The following BCAR3 variants were observed in gnomAD, a reference collection of about 807,000 sequenced individuals.
The protein encoded by BCAR3 is breast cancer anti-estrogen resistance protein 3.
BCAR3 carries 37 observed loss-of-function variants against 80.1 expected under a neutral mutation model. The observed-to-expected ratio is 0.46, with a 90% confidence interval of 0.36 to 0.61. The LOEUF (loss-of-function observed/expected upper bound fraction) is 0.61. Ranked by LOEUF, BCAR3 falls within the 20% of genes least tolerant of loss-of-function variation. The pLI is 0.00. For missense variants in BCAR3, 978 were observed against 1,068.2 expected, an observed-to-expected ratio of 0.92 and a Z score of 1.18; for synonymous variants, 389 against 418.9, an observed-to-expected ratio of 0.93 and a Z score of 0.87.
intron 2 of BCAR3, among the ~76,000 whole-genome samples, chr1:93,652,688 C>A (rs572511321): frequency 2.6e-5 from 4 of 152,184 alleles, no homozygotes; most frequent in Admixed American, 2.6e-4. Context: ...AGTCCTCACC[C>A]TGTGATTCCA....
chr1:93,663,729 A>G (rs537854379), intron 2 of BCAR3, among the ~76,000 whole-genome samples: 1 of 152,320 alleles, frequency 6.6e-6, no homozygotes, highest in East Asian at 1.9e-4. Flanking sequence ...CTGGCACACC[A>G]AAGTTCAACA....
chr1:93,743,818 G>C (rs1651262318), intron 2 of BCAR3, among the ~76,000 whole-genome samples: 1 of 152,146 alleles, frequency 6.6e-6, no homozygotes, highest in Admixed American at 6.6e-5. Flanking sequence ...ATCATAGATT[G>C]GTCTGTGTGC....
intron 2 of BCAR3, among the ~76,000 whole-genome samples, chr1:93,768,547 C>T (rs569365589): frequency 9.9e-5 from 15 of 152,246 alleles, no homozygotes; most frequent in Non-Finnish European, 1.8e-4. Flanking sequence ...TGTGCTGAAT[C>T]TTGGTAACTA....
At chr1:93,822,185 TC>T (rs1377084880) in intron 2 of BCAR3, among the ~76,000 whole-genome samples, 8 of 146,362 alleles carry the variant, frequency 5.5e-5, no homozygotes, top group Non-Finnish European at 1.0e-4. Flanking sequence ...GTTTTTTTTT[TC>T]TTTTTTTTTT....
chr1:93,708,862 A>T (rs1649916448), intron 2 of BCAR3, among the ~76,000 whole-genome samples: 1 of 152,084 alleles, frequency 6.6e-6, no homozygotes, highest in Non-Finnish European at 1.5e-5. Context: ...AGGCAGGAGG[A>T]GGTTGGCAGG....
chr1:93,847,077 A>C, exon 1 of BCAR3: 1 of 255,098 alleles, frequency 3.9e-6, no homozygotes, highest in South Asian at 4.0e-5. Context: ...TACGTCTCGC[A>C]GCCCGAGGGG....
chr1:93,728,874 T>C (rs1243966739), intron 2 of BCAR3, among the ~76,000 whole-genome samples: 2 of 152,098 alleles, frequency 1.3e-5, no homozygotes, highest in East Asian at 3.9e-4. Context: ...AGGGTGGTCT[T>C]GGGAAATGCA....
intron 2 of BCAR3, among the ~76,000 whole-genome samples, chr1:93,752,569 A>C (rs936205090): frequency 3.9e-5 from 6 of 152,252 alleles, no homozygotes; most frequent in Non-Finnish European, 5.9e-5. Flanking sequence ...TGCATTCAAA[A>C]TAAGAATGAG....
intron 2 of BCAR3, among the ~76,000 whole-genome samples, chr1:93,759,559 T>C (rs77753109): frequency 6.6e-6 from 1 of 152,110 alleles, no homozygotes; most frequent in Non-Finnish European, 1.5e-5. Context: ...AAGTTTCCTG[T>C]TTTTTCTTCA....
At chr1:93,591,102 T>C (rs1487577523) in intron 4 of BCAR3, among the ~76,000 whole-genome samples, 1 of 146,286 alleles carries the variant, frequency 6.8e-6, no homozygotes, top group Non-Finnish European at 1.5e-5. Flanking sequence ...CAATCAATTT[T>C]AAACTTAAAA....
chr1:93,779,675 T>C (rs1048820970), intron 2 of BCAR3, among the ~76,000 whole-genome samples: 1 of 152,214 alleles, frequency 6.6e-6, no homozygotes, highest in Non-Finnish European at 1.5e-5. Context: ...TTCAGCGCTT[T>C]AAGTAATTGC....
chr1:93,614,060 C>T, intron 3 of BCAR3: 1 of 1,444,872 alleles, frequency 6.9e-7, no homozygotes. Flanking sequence ...AAGTCGGCAG[C>T]CGGGGGAGTG....
rs539767350 is a variant in BCAR3 at position 93,608,022 on chromosome 1, G to A, written c.358-15629C>T. ...TCAATGGCTTCTGAGTCAGAGGCTG[G>A]ATGGATAGTTCCTCAAATCTCATCT... On this transcript the variant is annotated intron_variant, in intron 3 of 11. Coordinates refer to ENST00000260502, the MANE Select transcript of BCAR3 (RefSeq NM_003567.4). 1.2e-3 allele frequency among the ~76,000 whole-genome samples: 186 copies of A among 152,334 alleles called. 1 individual carries two copies. The highest frequency in any genetic ancestry group is 4.3e-3 in the African/African-American group (178 of 41,586).
At chr1:93,565,804 A>C (rs1167633906) in intron 11 of BCAR3, among the ~76,000 whole-genome samples, 1 of 152,250 alleles carries the variant, frequency 6.6e-6, no homozygotes, top group African/African-American at 2.4e-5. Context: ...TCTGGTTCTG[A>C]GGCAGCTCCC....
intron 2 of BCAR3, among the ~76,000 whole-genome samples, chr1:93,805,065 A>T (rs1653612967): frequency 6.6e-6 from 1 of 152,232 alleles, no homozygotes; most frequent in Non-Finnish European, 1.5e-5. Context: ...AGCTACCAGG[A>T]TCTTCATCAT....
At chr1:93,730,512 A>C (rs1557668802) in intron 2 of BCAR3, among the ~76,000 whole-genome samples, 1 of 152,054 alleles carries the variant, frequency 6.6e-6, no homozygotes. Flanking sequence ...TTTTTGAATG[A>C]CTCTGTGATT....
chr1:93,752,113 G>A (rs1340098120), intron 2 of BCAR3, among the ~76,000 whole-genome samples: 1 of 152,232 alleles, frequency 6.6e-6, no homozygotes, highest in African/African-American at 2.4e-5. Context: ...GCTGGCAAGA[G>A]GCCACCCTCT....
At chr1:93,803,448 C>A (rs996499002) in intron 2 of BCAR3, among the ~76,000 whole-genome samples, 2 of 152,138 alleles carry the variant, frequency 1.3e-5, no homozygotes, top group African/African-American at 4.8e-5. Context: ...GGATTTACTA[C>A]TCCTTTTACT....
chr1:93,804,049 G>A (rs946768433), intron 2 of BCAR3, among the ~76,000 whole-genome samples: 3 of 152,200 alleles, frequency 2.0e-5, no homozygotes, highest in African/African-American at 7.2e-5. Flanking sequence ...AGCAGCTTAT[G>A]CCTGTAATCC....
Sources: gnomAD v4.1 joint callset for allele counts (sites outside exome capture counted in the v4.1 genomes callset) on GRCh38, gnomAD v4.1.1 for gene constraint, MANE v1.5 for transcripts, NCBI Gene and HGNC (gene_info 2026-07-23, HGNC 2026-07-21) for gene names.